Variants in NCKAP5 observed in about 807,000 individuals in gnomAD.
NCKAP5 encodes the protein NCK associated protein 5.
Under a neutral mutation model 167.0 loss-of-function variants are expected in NCKAP5, and 92 were observed. The observed-to-expected ratio is 0.55, with a 90% CI of 0.47 to 0.66. NCKAP5 has a LOEUF of 0.66. Among genes scored for constraint, NCKAP5 ranks in the 30% least tolerant of loss-of-function variants. The pLI is 0.00. For missense variants in NCKAP5, 2,378 were observed against 2,315.0 expected (o/e 1.03, Z -0.56); for synonymous variants, 891 against 877.4 (o/e 1.02, Z -0.27).
chr2:133,533,124 T>C (rs927329399), intron 2 of NCKAP5, among the ~76,000 whole-genome samples: 1 of 152,208 alleles, frequency 6.6e-6, no homozygotes, highest in African/African-American at 2.4e-5. Context: ...GTAATTGGGC[T>C]AAGTCAGAGA....
chr2:133,184,005 C>T (rs1330516914), intron 5 of NCKAP5, among the ~76,000 whole-genome samples: 3 of 151,778 alleles, frequency 2.0e-5, no homozygotes, highest in Non-Finnish European at 2.9e-5. Flanking sequence ...TGTACACGTG[C>T]AGGGTTTTTA....
the NCKAP5 span, among the ~76,000 whole-genome samples, chr2:133,613,795 C>G: frequency 1.3e-5 from 2 of 152,212 alleles, no homozygotes; most frequent in Non-Finnish European, 2.9e-5. Flanking sequence ...TGGCGCTCTT[C>G]CCAATGTTGG....
intron 3 of NCKAP5, among the ~76,000 whole-genome samples, chr2:133,385,547 T>C (rs988460831): frequency 9.9e-5 from 15 of 152,236 alleles, no homozygotes; most frequent in African/African-American, 2.9e-4. Context: ...GGTATCAGGA[T>C]GATGCTGGCC....
intron 15 of NCKAP5, among the ~76,000 whole-genome samples, chr2:132,778,605 G>A (rs1395381682): frequency 2.0e-5 from 3 of 152,108 alleles, no homozygotes; most frequent in Non-Finnish European, 4.4e-5. Context: ...AGTGTGATAC[G>A]TAGTGCATTG....
intron 3 of NCKAP5, among the ~76,000 whole-genome samples, chr2:133,431,393 C>G (rs1278393438): frequency 1.3e-5 from 2 of 151,988 alleles, no homozygotes; most frequent in Non-Finnish European, 2.9e-5. Context: ...TAATCACCAC[C>G]CACTCTGGAC....
At chr2:133,380,988 C>G (rs1237395035) in intron 3 of NCKAP5, among the ~76,000 whole-genome samples, 1 of 152,116 alleles carries the variant, frequency 6.6e-6, no homozygotes, top group East Asian at 1.9e-4. Flanking sequence ...TATATTGAAC[C>G]CCCTCTTATC....
chr2:133,067,249 T>C (rs919395728), intron 6 of NCKAP5, among the ~76,000 whole-genome samples: 1 of 152,220 alleles, frequency 6.6e-6, no homozygotes, highest in African/African-American at 2.4e-5. Flanking sequence ...TTCTGAAATG[T>C]TGTGGTGTCT....
chr2:133,530,036 T>C (rs1685236016), intron 2 of NCKAP5, among the ~76,000 whole-genome samples: 1 of 152,210 alleles, frequency 6.6e-6, no homozygotes, highest in South Asian at 2.1e-4. Context: ...TTATGCGTTC[T>C]AAATTAAAAG....
chr2:133,472,342 T>G (rs1679412661), intron 3 of NCKAP5, among the ~76,000 whole-genome samples: 1 of 152,184 alleles, frequency 6.6e-6, no homozygotes, highest in East Asian at 1.9e-4. Context: ...TCTAGTAGCA[T>G]AAGATATCAA....
intron 6 of NCKAP5, chr2:133,122,999 C>G (rs1213378756): frequency 6.6e-6 from 1 of 152,144 alleles, no homozygotes; most frequent in Non-Finnish European, 1.5e-5. Flanking sequence ...TATTAAGCTA[C>G]TTAGAGGTAC....
intron 3 of NCKAP5, among the ~76,000 whole-genome samples, chr2:133,365,339 C>A (rs756048593): frequency 6.6e-6 from 1 of 152,148 alleles, no homozygotes; most frequent in African/African-American, 2.4e-5. Context: ...TAGAAATGAA[C>A]TTTTGGTGTA....
chr2:133,013,517 A>C (rs1321316812), intron 6 of NCKAP5, among the ~76,000 whole-genome samples: 2 of 152,166 alleles, frequency 1.3e-5, no homozygotes, highest in African/African-American at 2.4e-5. Flanking sequence ...AAACCACCAG[A>C]TCTCATGAGA....
intron 5 of NCKAP5, among the ~76,000 whole-genome samples, chr2:133,164,450 T>C (rs2083922052): frequency 1.3e-5 from 2 of 152,210 alleles, no homozygotes; most frequent in South Asian, 4.1e-4. Context: ...TGCTTCCCTT[T>C]GTTTTTGCTG....
At chr2:133,391,900 C>T (rs76422819) in intron 3 of NCKAP5, among the ~76,000 whole-genome samples, 404 of 152,300 alleles carry the variant, frequency 2.7e-3, no homozygotes, top group Non-Finnish European at 4.6e-3. Context: ...CTCCAGCCCC[C>T]GCTAGAATGA....
At chr2:133,155,321 T>C (rs377743471) in intron 5 of NCKAP5, among the ~76,000 whole-genome samples, 71 of 152,326 alleles carry the variant, frequency 4.7e-4, no homozygotes, top group Admixed American at 1.7e-3. Context: ...TGAAGGCCTG[T>C]TAACAGAGAT....
At chr2:132,901,394 C>A (rs538164110) in intron 8 of NCKAP5, among the ~76,000 whole-genome samples, 1 of 152,292 alleles carries the variant, frequency 6.6e-6, no homozygotes, top group East Asian at 1.9e-4. Context: ...ATTAATCAGA[C>A]AACTGCTCTA....
chr2:133,255,392 T>A (rs1030279616), intron 4 of NCKAP5, among the ~76,000 whole-genome samples: 1 of 152,236 alleles, frequency 6.6e-6, no homozygotes, highest in African/African-American at 2.4e-5. Context: ...TTAATATTTT[T>A]GGAAGCAAAG....
At chr2:133,069,737 T>G (rs1358721173) in intron 6 of NCKAP5, among the ~76,000 whole-genome samples, 1 of 152,140 alleles carries the variant, frequency 6.6e-6, no homozygotes. Flanking sequence ...CACGACTGCA[T>G]TAATCAGGGT....
intron 19 of NCKAP5, among the ~76,000 whole-genome samples, chr2:132,697,169 T>C (rs1481222286): frequency 7.7e-3 from 1 of 130 alleles, no homozygotes. Flanking sequence ...ATTACAGGCA[T>C]GGGCACTGCG....
Sources: allele counts gnomAD v4.1 joint callset (sites outside exome capture counted in the v4.1 genomes callset), GRCh38; gene constraint gnomAD v4.1.1; transcripts MANE v1.5; gene names NCBI Gene and HGNC (gene_info 2026-07-23, HGNC 2026-07-21).